DDX60: variants seen among roughly 807,000 people sequenced by gnomAD.
The protein encoded by DDX60 is probable ATP-dependent RNA helicase DDX60.
DDX60 carries 165 observed loss-of-function variants against 212.8 expected under a neutral mutation model. The ratio of observed to expected loss-of-function variants is 0.78; its 90% CI spans 0.68 to 0.88. The LOEUF (loss-of-function observed/expected upper bound fraction) is 0.88. DDX60 is among the 40% of genes least tolerant of loss of function. The pLI is 0.00. For missense variants in DDX60, 1,905 were observed against 2,003.9 expected, an observed-to-expected ratio of 0.95 and a Z score of 0.94; for synonymous variants, 703 against 685.3, an observed-to-expected ratio of 1.03 and a Z score of -0.40.
chr4:168,275,917 A>C, intron 15 of DDX60, 98 bp downstream of exon 15: 1 of 1,208,648 alleles, frequency 8.3e-7, no homozygotes, highest in Non-Finnish European at 1.1e-6. Context: ...TTCAGTAAAA[A>C]AAAAAAAAAA....
At position 168,292,024 on chromosome 4, in the gene DDX60, C is replaced by CCTTT. The variant is rs35921068; in HGVS notation, c.883-122_883-119dup. 534 of 509,404 alleles carry CCTTT rather than the reference C, an allele frequency of 1.0e-3. 3 individuals carry two copies. The highest frequency in any genetic ancestry group is 3.1e-3 in the Middle Eastern group (8 of 2,594). 31.6% of individuals were successfully genotyped at this position (509,404 alleles called of 1,614,324 possible). A position where few individuals can be genotyped will look rare whatever the true frequency, so the allele number is the denominator to read the frequency against. ...TGCTGTTCAGGAATCATGAATTATT[C>CCTTT]CTTTCTTTCTTTCTTTCTTTCTTTC... On this transcript the variant is annotated intron_variant, in intron 7 of 37. Coordinates refer to ENST00000393743, the MANE Select transcript of DDX60 (RefSeq NM_017631.6).
intron 23 of DDX60, 150 bp from the exon 24 acceptor site, chr4:168,262,278 G>A (rs1020427552): frequency 1.8e-5 from 14 of 794,722 alleles, no homozygotes; most frequent in African/African-American, 9.0e-5. Flanking sequence ...AATGCATAAC[G>A]TTACTAGGAT....
In DDX60 at chr4:168,236,945, T is replaced by C. The variant is rs151031608; in HGVS notation, c.4411+341A>G. ...TTTTATTTTTAACTTAATGCTTTACTATATCCTTTTTCTATGATGAATATA... is the reference window on the plus strand; with the variant it reads ...TTTTATTTTTAACTTAATGCTTTACCATATCCTTTTTCTATGATGAATATA... On this transcript the variant is annotated intron_variant, in intron 32 of 37. Coordinates refer to ENST00000393743, the MANE Select transcript of DDX60 (RefSeq NM_017631.6). Among the ~76,000 whole-genome samples, 346 of 151,470 alleles carry C rather than the reference T, an allele frequency of 2.3e-3. 2 individuals are homozygous for C. Among genetic ancestry groups the C allele is most frequent in the African/African-American group, 7.4e-3 (308 of 41,478 alleles).
chr4:168,273,949 G>A lies in DDX60; in HGVS notation c.2439C>T (p.Tyr813=), dbSNP rs116540254. 50 of 1,613,980 alleles carry A rather than the reference G, an allele frequency of 3.1e-5. No homozygotes were observed. The highest frequency in any genetic ancestry group is 4.0e-5 in the Non-Finnish European group (47 of 1,179,918). Residue 813 remains tyrosine (Y), a synonymous_variant, in exon 17 of 38, where the codon TAC becomes TAT. Coordinates refer to ENST00000393743, the MANE Select transcript of DDX60 (RefSeq NM_017631.6). ...LKESDDGVVV[Y]VAPTKALVNQ... ...TGAGCACTACCTTTGTGGGTGCAAC[G>A]TACACGACCACCCCGTCGTCGCTCT...
chr4:168,316,929 T>C (rs1486057029), intron 1 of DDX60, among the ~76,000 whole-genome samples: 1 of 151,414 alleles, frequency 6.6e-6, no homozygotes, highest in Admixed American at 6.6e-5. Flanking sequence ...ATGGTGACAG[T>C]CACCTGTAAT....
intron 37 of DDX60, among the ~76,000 whole-genome samples, chr4:168,220,007 G>A (rs1732993375): frequency 6.6e-6 from 1 of 152,006 alleles, no homozygotes; most frequent in South Asian, 2.1e-4. Context: ...TTGCACTCCA[G>A]CCTGGGCAAC....
intron 7 of DDX60, among the ~76,000 whole-genome samples, chr4:168,292,839 G>A (rs758213869): frequency 6.6e-6 from 1 of 152,090 alleles, no homozygotes; most frequent in Non-Finnish European, 1.5e-5. Flanking sequence ...TTCCAGAGAG[G>A]CAGATTTGAC....
At chr4:168,324,725 T>G in the DDX60 span, among the ~76,000 whole-genome samples, 3 of 152,268 alleles carry the variant, frequency 2.0e-5, no homozygotes, top group Non-Finnish European at 4.4e-5. Context: ...CTTATACTTA[T>G]GCATGAACCA....
chr4:168,290,789 T>G (rs1736060449), intron 8 of DDX60, among the ~76,000 whole-genome samples: 1 of 152,226 alleles, frequency 6.6e-6, no homozygotes, highest in South Asian at 2.1e-4. Context: ...GTGGAAAATG[T>G]AGGTCTATGA....
At chr4:168,291,690 T>C in intron 8 of DDX60, 58 bp downstream of exon 8, 5 of 1,440,378 alleles carry the variant, frequency 3.5e-6, no homozygotes, top group Non-Finnish European at 4.6e-6. Flanking sequence ...AAAGTTATTG[T>C]AGTTTCTATC....
At position 168,273,378 on chromosome 4, in the gene DDX60, T is replaced by G. The variant is rs1202173243; in HGVS notation, c.2475A>C (p.Ala825=). The change falls in exon 18 of 38, where the codon GCA becomes GCC. Residue 825 remains alanine, a synonymous_variant. Coordinates refer to ENST00000393743, the MANE Select transcript of DDX60 (RefSeq NM_017631.6). ...TCGTAAAACGATTCTGAACAGTTGC[T>G]GCCACTTGATTAACAAGGGCCTGAT... is the stretch of plus-strand genomic sequence containing the variant. The part of the protein sequence containing the change: ...APTKALVNQV[A]ATVQNRFTKN... 6.2e-7 allele frequency: 1 copy of G among 1,613,862 alleles called. No homozygotes were observed. Among genetic ancestry groups the G allele is most frequent in the South Asian group, 1.1e-5 (1 of 91,052 alleles).
intron 23 of DDX60, 101 bp downstream of exon 23, chr4:168,262,582 C>T: frequency 1.3e-6 from 1 of 756,900 alleles, no homozygotes; most frequent in Non-Finnish European, 2.2e-6. Flanking sequence ...GAAGAGTCAA[C>T]TAATAATTTT....
At position 168,255,746 on chromosome 4, in the gene DDX60, T is replaced by A; in HGVS notation, c.3522A>T (p.Arg1174=). 1 of 1,591,784 alleles carries A rather than the reference T, an allele frequency of 6.3e-7. No homozygotes were observed. The highest frequency in any genetic ancestry group is 8.5e-7 in the Non-Finnish European group (1 of 1,174,522). The change falls in exon 26 of 38, where the codon CGA becomes CGT. Residue 1174 remains arginine (R), a synonymous_variant. Coordinates refer to ENST00000393743, the MANE Select transcript of DDX60 (RefSeq NM_017631.6). ...GTTTCTCTATGGATTTTTTAACTTT[T>A]CGAAGTTTGTTAGCCATGACATGGG... ...KEAHVMANKL[R]KVKKSIEKQK... is the part of the protein sequence containing the mutation.
chr4:168,307,465 AC>A (rs1026880487), intron 4 of DDX60, among the ~76,000 whole-genome samples: 4 of 152,148 alleles, frequency 2.6e-5, no homozygotes, highest in African/African-American at 9.7e-5. Flanking sequence ...ATTGTTAGAG[AC>A]TGGGTCTCAC....
At position 168,293,871 on chromosome 4, in the gene DDX60, A is replaced by C; in HGVS notation, c.798T>G (p.Thr266=). The C allele has an allele frequency of 6.2e-7, 1 of 1,614,050 alleles. No individual in the cohort carries two copies. Among genetic ancestry groups the C allele is most frequent in the South Asian group, 1.1e-5 (1 of 91,066 alleles). ...ACATTCTCAAAGATAATGAGCATGA[A>C]GTAACACAAAAGACACGCCGAATGT... The part of the protein sequence containing the change: ...GSDIRRVFCV[T]SCSLSLRMYH... Residue 266 remains threonine (T), a synonymous_variant, in exon 7 of 38, where the codon ACT becomes ACG. Transcript: ENST00000393743.
At chr4:168,292,749 T>A (rs945417326) in intron 7 of DDX60, among the ~76,000 whole-genome samples, 4 of 152,164 alleles carry the variant, frequency 2.6e-5, no homozygotes, top group Non-Finnish European at 5.9e-5. Flanking sequence ...CTTCAAACAT[T>A]TGCAGGGCTA....
intron 37 of DDX60, among the ~76,000 whole-genome samples, chr4:168,218,368 C>T (rs1189673999): frequency 6.6e-6 from 1 of 152,156 alleles, no homozygotes. Flanking sequence ...AAAATAGGAA[C>T]TTTGGTCATC....
intron 37 of DDX60, among the ~76,000 whole-genome samples, chr4:168,219,521 T>G (rs896829736): frequency 6.6e-6 from 1 of 152,124 alleles, no homozygotes; most frequent in Non-Finnish European, 1.5e-5. Context: ...TCTAGAGATA[T>G]TCCAAGTGGA....
intron 8 of DDX60, among the ~76,000 whole-genome samples, chr4:168,290,267 T>TA (rs1172803019): frequency 6.6e-6 from 1 of 152,094 alleles, no homozygotes; most frequent in Non-Finnish European, 1.5e-5. Flanking sequence ...TAACTCCTTC[T>TA]ATTCCTCCAG....
Sources: allele counts gnomAD v4.1 joint callset (sites outside exome capture counted in the v4.1 genomes callset), GRCh38; gene constraint gnomAD v4.1.1; transcripts MANE v1.5; gene names NCBI Gene and HGNC (gene_info 2026-07-23, HGNC 2026-07-21).